The following AGPAT5 variants were observed in gnomAD, a reference collection of about 807,000 sequenced individuals.
AGPAT5 encodes 1-acyl-sn-glycerol-3-phosphate acyltransferase epsilon.
Under a neutral mutation model 45.6 loss-of-function variants are expected in AGPAT5, and 46 were observed. The observed-to-expected ratio is 1.01, with a 90% confidence interval of 0.80 to 1.29. AGPAT5 has a LOEUF of 1.29. Among genes scored for constraint, AGPAT5 ranks in the 50% most tolerant of loss-of-function variants. The probability of loss-of-function intolerance (pLI) is 0.00; values close to 1 mark genes in which losing one functional copy is unlikely to be tolerated. For missense variants in AGPAT5, 673 were observed against 450.7 expected, an observed-to-expected ratio of 1.49 and a Z score of -4.47; for synonymous variants, 272 against 167.0, an observed-to-expected ratio of 1.63 and a Z score of -4.85.
intron 1 of AGPAT5, among the ~76,000 whole-genome samples, chr8:6,714,644 C>A (rs10503368): frequency 0.31 from 47,428 of 152,160 alleles, 8,616 homozygotes; most frequent in Non-Finnish European, 0.41. Context: ...GTACACCTTT[C>A]CTAGGTACAT....
At chr8:6,712,801 T>C (rs1800196073) in intron 1 of AGPAT5, among the ~76,000 whole-genome samples, 1 of 152,252 alleles carries the variant, frequency 6.6e-6, no homozygotes, top group South Asian at 2.1e-4. Context: ...GTAATCGTTA[T>C]GATAAATAAT....
chr8:6,735,783 G>C (rs1305678020), intron 4 of AGPAT5, among the ~76,000 whole-genome samples: 1 of 150,266 alleles, frequency 6.7e-6, no homozygotes, highest in Non-Finnish European at 1.5e-5. Flanking sequence ...TTCAAAACTT[G>C]GAACAATGTT....
At position 6,741,446 on chromosome 8, in the gene AGPAT5, A is replaced by AGCAC. The variant is rs371313730; in HGVS notation, c.496-214_496-211dup. Among the ~76,000 whole-genome samples the AGCAC allele has an allele frequency of 1.9e-3, 286 of 152,274 alleles. 1 individual carries two copies. The highest frequency in any genetic ancestry group is 6.7e-3 in the African/African-American group (277 of 41,580). ...TCATGGCTGACCTACCAATGAATGT[A>AGCAC]GCACTGCATTTAAAATATAGTTCAC... is the stretch of plus-strand genomic sequence containing the variant. On this transcript the variant is annotated intron_variant, in intron 4 of 7. Coordinates refer to ENST00000285518, the MANE Select transcript of AGPAT5 (RefSeq NM_018361.5).
intron 6 of AGPAT5, among the ~76,000 whole-genome samples, chr8:6,751,771 G>C (rs982218760): frequency 6.6e-6 from 1 of 151,974 alleles, no homozygotes; most frequent in African/African-American, 2.4e-5. Context: ...GTGTGCTTAA[G>C]GACAACCTTT....
chr8:6,716,536 G>GA (rs138294046), intron 1 of AGPAT5, among the ~76,000 whole-genome samples: 1,804 of 151,590 alleles, frequency 0.012, 38 homozygotes, highest in African/African-American at 0.041. Flanking sequence ...TGTCTCAAAA[G>GA]AAAAAAAAGG....
chr8:6,746,582 C>T (rs528386592), intron 5 of AGPAT5, among the ~76,000 whole-genome samples: 2 of 152,060 alleles, frequency 1.3e-5, no homozygotes, highest in South Asian at 2.1e-4. Flanking sequence ...GCTTGGTGTG[C>T]GATTGAGATT....
At chr8:6,743,765 T>C (rs141627806) in intron 5 of AGPAT5, among the ~76,000 whole-genome samples, 2 of 130,822 alleles carry the variant, frequency 1.5e-5, no homozygotes, top group East Asian at 2.2e-4. Context: ...AGTAAGCCCC[T>C]ATGGTGGTTT....
chr8:6,740,686 C>A (rs1801219458), intron 4 of AGPAT5, among the ~76,000 whole-genome samples: 1 of 151,868 alleles, frequency 6.6e-6, no homozygotes, highest in South Asian at 2.1e-4. Flanking sequence ...AAATTCAGTA[C>A]CACATAGGTT....
rs1296861755 is a variant in AGPAT5, at chr8:6,757,321, A to G, written c.1028A>G (p.Lys343Arg). ...ATGCTTATGACCGATGCTGGAAGGAAGCTGTATGTGAACACCTGGATATAT... is the reference window on the plus strand; with the variant it reads ...ATGCTTATGACCGATGCTGGAAGGAGGCTGTATGTGAACACCTGGATATAT... ...AGMLMTDAGR[K>R]LYVNTWIYGT... The change falls in exon 8 of 8, where the codon AAG becomes AGG. Residue 343 changes from lysine to arginine, a missense_variant. Lys to Arg is a conservative substitution (Grantham distance 26, BLOSUM62 2). Coordinates refer to ENST00000285518, the MANE Select transcript of AGPAT5 (RefSeq NM_018361.5). 1 of 1,614,214 alleles carries G rather than the reference A, an allele frequency of 6.2e-7. No homozygotes were observed. Among genetic ancestry groups the G allele is most frequent in the Non-Finnish European group, 8.5e-7 (1 of 1,180,038 alleles).
intron 1 of AGPAT5, among the ~76,000 whole-genome samples, chr8:6,723,927 A>T (rs1275577487): frequency 6.6e-6 from 1 of 152,256 alleles, no homozygotes; most frequent in Non-Finnish European, 1.5e-5. Flanking sequence ...AGCCTTAGCT[A>T]ATTTATAATC....
intron 5 of AGPAT5, among the ~76,000 whole-genome samples, chr8:6,743,298 C>A (rs1801299101): frequency 6.6e-6 from 1 of 152,212 alleles, no homozygotes. Flanking sequence ...TCCTTGACTG[C>A]TGATGACTCG....
chr8:6,755,128 G>C lies in AGPAT5; in HGVS notation c.823G>C (p.Glu275Gln). 1.9e-6 allele frequency: 3 copies of C among 1,608,656 alleles called. No homozygotes were observed. Among genetic ancestry groups the C allele is most frequent in the Non-Finnish European group, 1.7e-6 (2 of 1,179,018 alleles). ...CAAAAAAGATGTCCCAGAAGAACAAGAACATATGAGAAGATGGCTGCATGA... is the reference window on the plus strand; with the variant it reads ...CAAAAAAGATGTCCCAGAAGAACAACAACATATGAGAAGATGGCTGCATGA... Reference protein sequence around the residue: ...IDKKDVPEEQEHMRRWLHERF... With the variant: ...IDKKDVPEEQQHMRRWLHERF... The change falls in exon 7 of 8, where the codon GAA becomes CAA. Residue 275 changes from glutamate (E) to glutamine (Q), a missense_variant. Physicochemically the swap from Glu to Gln is conservative, Grantham distance 29. Coordinates refer to ENST00000285518, the MANE Select transcript of AGPAT5 (RefSeq NM_018361.5).
chr8:6,717,839 A>G (rs1301755086), intron 1 of AGPAT5, among the ~76,000 whole-genome samples: 1 of 152,240 alleles, frequency 6.6e-6, no homozygotes, highest in Non-Finnish European at 1.5e-5. Context: ...GAAAAAAATT[A>G]CATAAGCTTC....
At chr8:6,741,523 G>C in intron 4 of AGPAT5, 138 bp from the exon 5 acceptor site, 6 of 542,284 alleles carry the variant, frequency 1.1e-5, no homozygotes, top group Non-Finnish European at 1.9e-5. Context: ...TGAAACGAAG[G>C]TCACATGTAA....
intron 1 of AGPAT5, among the ~76,000 whole-genome samples, chr8:6,713,641 G>GC (rs761832710): frequency 3.9e-5 from 6 of 152,076 alleles, no homozygotes; most frequent in Admixed American, 1.3e-4. Flanking sequence ...TGCAACCTCT[G>GC]CCCCCGGGCT....
intron 4 of AGPAT5, among the ~76,000 whole-genome samples, chr8:6,741,005 C>G (rs1013452185): frequency 1.3e-5 from 2 of 152,086 alleles, no homozygotes; most frequent in African/African-American, 4.8e-5. Flanking sequence ...TTTTACTTTC[C>G]TAAGCAGATA....
intron 6 of AGPAT5, 29 bp downstream of exon 6, chr8:6,747,857 T>A (rs756460444): frequency 3.1e-6 from 5 of 1,611,546 alleles, no homozygotes; most frequent in East Asian, 4.5e-5. Flanking sequence ...CTGAAATGCC[T>A]GTACACGGTA....
Position 6,755,077 on chromosome 8 carries a change from A to C in AGPAT5, c.772A>C (p.Ile258Leu), listed in dbSNP as rs762646139. 7 of 1,595,066 alleles carry C rather than the reference A, an allele frequency of 4.4e-6. No individual in the cohort carries two copies. The highest frequency in any genetic ancestry group is 1.7e-4 in the Middle Eastern group (1 of 6,044). The change falls in exon 7 of 8, where the codon ATT (isoleucine) becomes CTT (leucine). Residue 258 changes from isoleucine (I) to leucine (L), a missense_variant. Ile to Leu is a conservative substitution (Grantham distance 5). Transcript: ENST00000285518. The stretch of plus-strand genomic sequence containing the variant: ...ATTTCTCTGCAAAGAATGTCCAAAA[A>C]TTCATATTCACATTGATCGTATCGA... ...TEFLCKECPK[I>L]HIHIDRIDKK... is the part of the protein sequence containing the mutation.
At chr8:6,741,020 TA>T (rs1801228538) in intron 4 of AGPAT5, among the ~76,000 whole-genome samples, 1 of 152,166 alleles carries the variant, frequency 6.6e-6, no homozygotes, top group African/African-American at 2.4e-5. Flanking sequence ...CAGATAAGCG[TA>T]AAAACTTAGA....
Sources: gnomAD v4.1 joint callset for allele counts (sites outside exome capture counted in the v4.1 genomes callset) on GRCh38, gnomAD v4.1.1 for gene constraint, MANE v1.5 for transcripts, NCBI Gene and HGNC (gene_info 2026-07-23, HGNC 2026-07-21) for gene names.